GXYLT2: variants seen among roughly 807,000 people sequenced by gnomAD.
GXYLT2 encodes glucoside xylosyltransferase 2, also known as glycosyltransferase 8 domain containing 4.
Under a neutral mutation model 45.8 loss-of-function variants are expected in GXYLT2, and 53 were observed. The observed-to-expected ratio is 1.16, with a 90% CI of 0.93 to 1.46. The LOEUF (loss-of-function observed/expected upper bound fraction) is 1.46, where lower values mean the gene tolerates loss of function less well. GXYLT2 is among the 40% of genes most tolerant of loss of function. GXYLT2 has a pLI of 0.00. For synonymous variants in GXYLT2, 219 were observed against 214.2 expected (o/e 1.02, Z -0.19); for missense variants, 551 against 544.4 (o/e 1.01, Z -0.12).
chr3:72,966,458 CTTTTTTTTT>C (rs10662974), intron 5 of GXYLT2, among the ~76,000 whole-genome samples: 1 of 101,640 alleles, frequency 9.8e-6, no homozygotes, highest in Non-Finnish European at 1.8e-5. Context: ...TTGTGTGTAT[CTTTTTTTTT>C]TTTTTTTTTT....
At chr3:72,933,835 C>A (rs1020884119) in intron 3 of GXYLT2, among the ~76,000 whole-genome samples, 1 of 151,916 alleles carries the variant, frequency 6.6e-6, no homozygotes, top group African/African-American at 2.4e-5. Flanking sequence ...TCCAGGAGAT[C>A]GAGGCTGCAG....
Position 72,957,463 on chromosome 3 carries a change from A to G in GXYLT2, c.976+111A>G, listed in dbSNP as rs189444671. On this transcript the variant is annotated intron_variant, in intron 5 of 6. Coordinates refer to ENST00000389617, the MANE Select transcript of GXYLT2 (RefSeq NM_001080393.2). Reference sequence around the variant, plus strand: ...ACTAGGCTTGAATTGTGCACAGAGGAGCCTGTGTTCCCCAGCGAAGTTTGC... The same window carrying G: ...ACTAGGCTTGAATTGTGCACAGAGGGGCCTGTGTTCCCCAGCGAAGTTTGC... 3.6e-6 allele frequency: 4 copies of G among 1,102,826 alleles called. No homozygotes were observed. In the East Asian group the frequency reaches 1.1e-4, roughly 29 times the overall value. 68.3% of individuals were successfully genotyped at this position (1,102,826 alleles called of 1,614,324 possible).
intron 3 of GXYLT2, among the ~76,000 whole-genome samples, chr3:72,948,771 A>G (rs1238689013): frequency 7.0e-6 from 1 of 142,554 alleles, no homozygotes; most frequent in African/African-American, 2.6e-5. Flanking sequence ...TGGGAGGTGG[A>G]GGTTGCAGTG....
chr3:72,917,444 T>C (rs1709762832), intron 2 of GXYLT2, among the ~76,000 whole-genome samples: 1 of 152,096 alleles, frequency 6.6e-6, no homozygotes, highest in African/African-American at 2.4e-5. Flanking sequence ...CTGGTGTGGG[T>C]TCTAATTGGT....
chr3:72,944,921 G>A (rs1559744103), intron 3 of GXYLT2, among the ~76,000 whole-genome samples: 1 of 152,106 alleles, frequency 6.6e-6, no homozygotes, highest in Non-Finnish European at 1.5e-5. Context: ...AGACATGCAA[G>A]CAAAAGCAGG....
chr3:72,898,739 C>CT (rs535480550), intron 1 of GXYLT2, among the ~76,000 whole-genome samples: 1 of 149,126 alleles, frequency 6.7e-6, no homozygotes, highest in Non-Finnish European at 1.5e-5. Flanking sequence ...CTTTTCTTTT[C>CT]TTTTTTTTTC....
chr3:72,893,027 C>T (rs1709211774), intron 1 of GXYLT2, among the ~76,000 whole-genome samples: 1 of 152,182 alleles, frequency 6.6e-6, no homozygotes, highest in Non-Finnish European at 1.5e-5. Flanking sequence ...GGTGCCTACT[C>T]TCTGGTTTGT....
At chr3:72,924,426 A>T (rs1471541246) in intron 3 of GXYLT2, among the ~76,000 whole-genome samples, 1 of 151,304 alleles carries the variant, frequency 6.6e-6, no homozygotes, top group African/African-American at 2.4e-5. Context: ...CTCCTCACAT[A>T]CTCCTGGGCT....
intron 2 of GXYLT2, among the ~76,000 whole-genome samples, chr3:72,912,855 T>C (rs1208288712): frequency 1.3e-5 from 2 of 152,132 alleles, no homozygotes; most frequent in African/African-American, 4.8e-5. Flanking sequence ...TAATAAATGA[T>C]TGTTTTATAC....
intron 3 of GXYLT2, among the ~76,000 whole-genome samples, chr3:72,947,402 G>A (rs990758035): frequency 1.3e-5 from 2 of 152,118 alleles, no homozygotes; most frequent in Non-Finnish European, 2.9e-5. Flanking sequence ...ATTGTGCTAC[G>A]CGGTGGAGGA....
At chr3:72,890,040 C>G (rs1011068050) in intron 1 of GXYLT2, among the ~76,000 whole-genome samples, 3 of 151,970 alleles carry the variant, frequency 2.0e-5, no homozygotes, top group Admixed American at 6.6e-5. Flanking sequence ...TGTGCCTCAG[C>G]CTGCCAGGTA....
chr3:72,930,174 CA>C (rs5850088), intron 3 of GXYLT2, among the ~76,000 whole-genome samples: 16,095 of 147,540 alleles, frequency 0.11, 1,092 homozygotes, highest in East Asian at 0.28. Flanking sequence ...CTCAAAAAAA[CA>C]AAAAAAAAAA....
chr3:72,919,846 T>A (rs2107098147), intron 2 of GXYLT2, among the ~76,000 whole-genome samples: 1 of 152,332 alleles, frequency 6.6e-6, no homozygotes, highest in East Asian at 1.9e-4. Flanking sequence ...CTGTTCTGTA[T>A]ACTGTAATGA....
chr3:72,948,465 C>G (rs1488545213), intron 3 of GXYLT2, among the ~76,000 whole-genome samples: 2 of 152,152 alleles, frequency 1.3e-5, no homozygotes, highest in Non-Finnish European at 2.9e-5. Context: ...AAAAAGATAT[C>G]TGGAAAATTC....
At chr3:72,926,194 G>C (rs1709915418) in intron 3 of GXYLT2, among the ~76,000 whole-genome samples, 1 of 152,206 alleles carries the variant, frequency 6.6e-6, no homozygotes, top group Non-Finnish European at 1.5e-5. Flanking sequence ...AACTGTGGAA[G>C]AGACCCTTTC....
intron 1 of GXYLT2, among the ~76,000 whole-genome samples, chr3:72,890,193 C>T (rs756968800): frequency 2.1e-4 from 31 of 146,784 alleles, no homozygotes; most frequent in African/African-American, 7.4e-4. Context: ...GGATTACAGG[C>T]GTGAGCCACC....
In GXYLT2 at chr3:72,957,270, G is replaced by A. The variant is rs758439603; in HGVS notation, c.894G>A (p.Leu298=). The part of the protein sequence containing the change: ...IPTGLAWEDM[L]YPLYQKYKNA... ...CAGGCCTGGCTTGGGAGGACATGTT[G>A]TACCCTCTGTACCAGAAGTACAAGA... is the stretch of plus-strand genomic sequence containing the variant. Residue 298 remains leucine (L), a synonymous_variant, in exon 5 of 7, where the codon TTG becomes TTA. Transcript: ENST00000389617. The A allele has an allele frequency of 5.3e-5, 85 of 1,613,134 alleles. 1 individual carries two copies. In the South Asian group the frequency reaches 5.6e-4, roughly 11 times the overall value.
At chr3:72,900,977 A>AC (rs1247221352) in intron 1 of GXYLT2, among the ~76,000 whole-genome samples, 4 of 151,236 alleles carry the variant, frequency 2.6e-5, no homozygotes, top group Non-Finnish European at 5.9e-5. Context: ...ACATGGTGCA[A>AC]CCCCATCTCT....
intron 3 of GXYLT2, among the ~76,000 whole-genome samples, chr3:72,936,809 T>C: frequency 6.6e-6 from 1 of 152,242 alleles, no homozygotes; most frequent in East Asian, 1.9e-4. Context: ...ATACTGTGTA[T>C]TGATCTAAAT....
Sources: allele counts gnomAD v4.1 joint callset (sites outside exome capture counted in the v4.1 genomes callset), GRCh38; gene constraint gnomAD v4.1.1; transcripts MANE v1.5; gene names NCBI Gene and HGNC (gene_info 2026-07-23, HGNC 2026-07-21).